The following STAG2 variants were observed in gnomAD, a reference collection of about 807,000 sequenced individuals.
STAG2 encodes cohesin subunit SA-2.
Under a neutral mutation model 108.1 loss-of-function variants are expected in STAG2, and 14 were observed. That is an observed-to-expected ratio of 0.13 (90% confidence interval 0.09 to 0.20). The LOEUF (loss-of-function observed/expected upper bound fraction) is 0.20, where lower values mean the gene tolerates loss of function less well. STAG2 is among the 10% of genes least tolerant of loss of function. STAG2 has a pLI of 1.00. For missense variants in STAG2, 440 were observed against 940.9 expected, an observed-to-expected ratio of 0.47 and a Z score of 6.96; for synonymous variants, 307 against 302.7, an observed-to-expected ratio of 1.01 and a Z score of -0.15.
At chrX:123,985,610 C>G (rs751957928) in intron 1 of STAG2, among the ~76,000 whole-genome samples, 1 of 109,582 alleles carries the variant, frequency 9.1e-6, no homozygotes, top group Non-Finnish European at 1.9e-5. Flanking sequence ...GCTCTGTTGC[C>G]CAGACTGGAA....
chrX:123,976,871 G>A (rs1330165860), intron 1 of STAG2, among the ~76,000 whole-genome samples: 5 of 111,859 alleles, frequency 4.5e-5, no homozygotes, highest in Non-Finnish European at 7.5e-5. Flanking sequence ...GTGATACACT[G>A]CCTCCCAGTG....
At chrX:124,035,180 T>C (rs1014618838) in intron 5 of STAG2, among the ~76,000 whole-genome samples, 1 of 111,305 alleles carries the variant, frequency 9.0e-6, no homozygotes, top group African/African-American at 3.3e-5. Context: ...TTAAAACTGG[T>C]TGTTATGTTT....
At chrX:124,034,794 C>A (rs1203110578) in intron 5 of STAG2, among the ~76,000 whole-genome samples, 2 of 111,113 alleles carry the variant, frequency 1.8e-5, no homozygotes, top group Non-Finnish European at 3.8e-5. Flanking sequence ...ATTGCTAATT[C>A]TTTGATCAAA....
chrX:124,068,086 T>G (rs2058583063), intron 23 of STAG2, among the ~76,000 whole-genome samples: 1 of 111,437 alleles, frequency 9.0e-6, no homozygotes, highest in South Asian at 3.7e-4. Flanking sequence ...TTAAAGTTTA[T>G]AGTAATACCA....
rs756883153 is a variant in STAG2, at chrX:124,085,519, C to T, written c.3054-1028C>T. Among the ~76,000 whole-genome samples the T allele has an allele frequency of 1.6e-4, 18 of 110,473 alleles. No homozygotes were observed. The South Asian group carries it at 2.3e-3, about 14-fold the overall frequency. On this transcript the variant is annotated intron_variant, in intron 29 of 34. Transcript: ENST00000371145. The stretch of plus-strand genomic sequence containing the variant: ...AAGACATACTGGGAGTCGGGTGCCG[C>T]GGCTCACACCTGTAATCCCAGCATT...
intron 1 of STAG2, among the ~76,000 whole-genome samples, chrX:123,981,938 A>G (rs1239207372): frequency 1.8e-5 from 2 of 111,723 alleles, no homozygotes; most frequent in African/African-American, 6.5e-5. Flanking sequence ...AAAAGAGACT[A>G]TAAAACATCA....
At chrX:124,029,029 A>G (rs1372925180) in intron 4 of STAG2, among the ~76,000 whole-genome samples, 1 of 98,214 alleles carries the variant, frequency 1.0e-5, no homozygotes, top group Non-Finnish European at 2.0e-5. Flanking sequence ...TTATTTATTT[A>G]TTTTTGAGAC....
chrX:123,989,931 A>T (rs1158533403), intron 1 of STAG2, among the ~76,000 whole-genome samples: 4 of 109,556 alleles, frequency 3.7e-5, no homozygotes, highest in African/African-American at 3.3e-5. Flanking sequence ...TTAGCCTAAC[A>T]TTTTTTTTTG....
intron 1 of STAG2, among the ~76,000 whole-genome samples, chrX:123,984,983 T>A (rs775222974): frequency 6.3e-5 from 7 of 111,636 alleles, no homozygotes; most frequent in Non-Finnish European, 1.3e-4. Flanking sequence ...TTAGTCTTAG[T>A]TGTGAATATA....
intron 1 of STAG2, among the ~76,000 whole-genome samples, chrX:124,017,457 G>A (rs1001050438): frequency 9.0e-6 from 1 of 111,031 alleles, no homozygotes; most frequent in African/African-American, 3.3e-5. Context: ...TGATCTGCCC[G>A]CCTCAGCCTC....
At position 124,090,856 on chromosome X, in the gene STAG2, C is replaced by T. The variant is rs781278268; in HGVS notation, c.3470C>T (p.Thr1157Met). ...GAGGAATAAAATTCTCCTTGAAGCACGCAGGTAACATGGATGTTAGCTCAA... is the reference window on the plus strand; with the variant it reads ...GAGGAATAAAATTCTCCTTGAAGCATGCAGGTAACATGGATGTTAGCTCAA... ...EHHQTPLDYN[T>M]QVTWMLAQRQ... is the part of the protein sequence containing the mutation. Residue 1157 changes from threonine to methionine, a missense_variant and splice_region_variant, in exon 32 of 35, where the codon ACG becomes ATG. Physicochemically the swap from Thr to Met is moderately conservative, Grantham distance 81 (BLOSUM62 -1). Transcript: ENST00000371145. 9 of 1,207,125 alleles carry T rather than the reference C, an allele frequency of 7.5e-6. No individual in the cohort carries two copies. The East Asian group carries it at 1.2e-4, about 16-fold the overall frequency.
At chrX:123,988,212 G>T (rs1306572542) in intron 1 of STAG2, among the ~76,000 whole-genome samples, 1 of 111,723 alleles carries the variant, frequency 9.0e-6, no homozygotes. Context: ...ATAGTATATT[G>T]TATCTTATAC....
At chrX:123,979,224 G>A (rs192555531) in intron 1 of STAG2, among the ~76,000 whole-genome samples, 1 of 110,886 alleles carries the variant, frequency 9.0e-6, no homozygotes, top group African/African-American at 3.3e-5. Flanking sequence ...ACGTTCCTTG[G>A]CCATCTCATT....
At chrX:124,091,783 C>T (rs773560719) in intron 32 of STAG2, among the ~76,000 whole-genome samples, 46 of 112,447 alleles carry the variant, frequency 4.1e-4, no homozygotes, top group Non-Finnish European at 7.1e-4. Context: ...GTGCTTGGCA[C>T]GTAAAAGGTG....
At chrX:124,076,978 T>G (rs1249421361) in intron 26 of STAG2, among the ~76,000 whole-genome samples, 1 of 111,054 alleles carries the variant, frequency 9.0e-6, no homozygotes, top group East Asian at 2.8e-4. Context: ...CATAACTATA[T>G]GTGAGGTTTT....
At chrX:124,089,424 CTTAA>C (rs1234261941) in intron 30 of STAG2, among the ~76,000 whole-genome samples, 1 of 111,538 alleles carries the variant, frequency 9.0e-6, no homozygotes, top group Non-Finnish European at 1.9e-5. Flanking sequence ...TAGTCCAATG[CTTAA>C]TTAATATTTG....
intron 1 of STAG2, among the ~76,000 whole-genome samples, chrX:124,009,095 T>C (rs1422501395): frequency 1.8e-5 from 2 of 111,849 alleles, no homozygotes; most frequent in Non-Finnish European, 3.8e-5. Context: ...TTGTTTTTAA[T>C]AATATATTGC....
chrX:124,069,599 A>G (rs1369569751), intron 24 of STAG2, among the ~76,000 whole-genome samples: 3 of 111,832 alleles, frequency 2.7e-5, no homozygotes, highest in South Asian at 7.4e-4. Context: ...TGTTCATTCA[A>G]TGCCCAGCTG....
chrX:124,060,939 T>G (rs2148301456), intron 15 of STAG2, among the ~76,000 whole-genome samples: 2 of 107,612 alleles, frequency 1.9e-5, no homozygotes, highest in South Asian at 3.9e-4. Context: ...CCCCCAAATA[T>G]ATATAATTTA....
Sources: gnomAD v4.1 joint callset for allele counts (sites outside exome capture counted in the v4.1 genomes callset) on GRCh38, gnomAD v4.1.1 for gene constraint, MANE v1.5 for transcripts, NCBI Gene and HGNC (gene_info 2026-07-23, HGNC 2026-07-21) for gene names.